The following IFT74 variants were observed in gnomAD, a reference collection of about 807,000 sequenced individuals.
IFT74 encodes the protein intraflagellar transport protein 74 homolog.
IFT74 carries 92 observed loss-of-function variants against 96.7 expected under a neutral mutation model. That is an observed-to-expected ratio of 0.95 (90% CI 0.80 to 1.13). The LOEUF is 1.13. Ranked by LOEUF, IFT74 falls within the 50% of genes most tolerant of loss-of-function variation. The pLI is 0.00. For synonymous variants in IFT74, 223 were observed against 213.2 expected, an observed-to-expected ratio of 1.05 and a Z score of -0.40; for missense variants, 811 against 698.2, an observed-to-expected ratio of 1.16 and a Z score of -1.82.
At chr9:27,028,239 C>T (rs907829375) in intron 12 of IFT74, among the ~76,000 whole-genome samples, 23 of 152,054 alleles carry the variant, frequency 1.5e-4, no homozygotes, top group African/African-American at 4.8e-4. Context: ...AAATATTAAC[C>T]TATATAATCT....
At chr9:27,029,456 C>A (rs967264001) in intron 13 of IFT74, among the ~76,000 whole-genome samples, 2 of 151,958 alleles carry the variant, frequency 1.3e-5, no homozygotes, top group African/African-American at 4.8e-5. Flanking sequence ...TTACTATAAA[C>A]AATATAGTCG....
chr9:27,015,153 C>T (rs554493378), intron 10 of IFT74, among the ~76,000 whole-genome samples: 37 of 152,136 alleles, frequency 2.4e-4, no homozygotes, highest in African/African-American at 8.0e-4. Flanking sequence ...AAAAAGGAGA[C>T]GATACTATGA....
intron 2 of IFT74, among the ~76,000 whole-genome samples, chr9:26,963,471 C>G (rs1826461129): frequency 6.7e-6 from 1 of 150,234 alleles, no homozygotes; most frequent in African/African-American, 2.5e-5. Flanking sequence ...TGGGTATATA[C>G]CCAGTAATGG....
Position 27,062,817 on chromosome 9 carries a change from AGCTTACTTTTGGAGTTTACCT to A in IFT74, c.*82_*102del. ...CAAGTTGACTACCAAAAAAAAAAAAAGCTTACTTTTGGAGTTTACCTAAAATTTCTGAATGTTATAATTTTT... is the reference window on the plus strand; with the variant it reads ...CAAGTTGACTACCAAAAAAAAAAAAAAAAATTTCTGAATGTTATAATTTTT... On this transcript the variant is annotated 3_prime_UTR_variant, in exon 20 of 20. Coordinates refer to ENST00000380062, the MANE Select transcript of IFT74 (RefSeq NM_025103.4). 1 of 759,926 alleles carries A rather than the reference AGCTTACTTTTGGAGTTTACCT, an allele frequency of 1.3e-6. No homozygotes were observed. Among genetic ancestry groups the A allele is most frequent in the Non-Finnish European group, 2.2e-6 (1 of 459,230 alleles). 47.1% of individuals were successfully genotyped at this position (759,926 alleles called of 1,614,324 possible).
At chr9:26,986,474 C>G (rs1452761033) in intron 6 of IFT74, among the ~76,000 whole-genome samples, 1 of 151,802 alleles carries the variant, frequency 6.6e-6, no homozygotes, top group East Asian at 1.9e-4. Context: ...TGCCATCACA[C>G]CAGGCTAATT....
intron 1 of IFT74, among the ~76,000 whole-genome samples, chr9:26,959,153 GGCTGGAGTGCA>G (rs1294062516): frequency 6.6e-6 from 1 of 152,144 alleles, no homozygotes; most frequent in Non-Finnish European, 1.5e-5. Flanking sequence ...CTGTCGCCCA[GGCTGGAGTGCA>G]GTGGCACGAT....
chr9:26,980,454 G>A (rs534311679), intron 3 of IFT74, 117 bp from the exon 4 acceptor site: 9 of 727,032 alleles, frequency 1.2e-5, no homozygotes, highest in African/African-American at 8.7e-5. Flanking sequence ...TTGATTCATT[G>A]GGGCATTCAT....
rs770965923 is a variant in IFT74, at chr9:27,047,370, G to C, written c.1205G>C (p.Arg402Pro). The change falls in exon 15 of 20, where the codon CGA (arginine) becomes CCA (proline). Residue 402 changes from arginine to proline, a missense_variant and splice_region_variant. By Grantham distance (103) the Arg-to-Pro change is moderately radical (BLOSUM62 -2). Coordinates refer to ENST00000380062, the MANE Select transcript of IFT74 (RefSeq NM_025103.4). The part of the protein sequence containing the change: ...NIVALLEHCS[R>P]NINRIEQISS... ...GTTGCACTCTTGGAGCACTGCAGTC[G>C]AGTGAGTACCATGTGCCTGTCTTGG... 4 of 1,590,402 alleles carry C rather than the reference G, an allele frequency of 2.5e-6. No individual in the cohort carries two copies. The highest frequency in any genetic ancestry group is 1.7e-5 in the Admixed American group (1 of 58,988).
chr9:27,005,540 A>G (rs1350355102), intron 8 of IFT74: 1 of 151,402 alleles, frequency 6.6e-6, no homozygotes, highest in Non-Finnish European at 1.5e-5. Flanking sequence ...AAACTTAAAT[A>G]TGATTAAAAA....
intron 15 of IFT74, 92 bp downstream of exon 15, chr9:27,047,463 G>C: frequency 1.5e-6 from 1 of 652,572 alleles, no homozygotes; most frequent in Non-Finnish European, 2.6e-6. Context: ...GCTCACTATT[G>C]TATCTTCTCA....
intron 13 of IFT74, among the ~76,000 whole-genome samples, chr9:27,030,547 C>A (rs1476940438): frequency 9.0e-3 from 1,042 of 115,292 alleles, no homozygotes; most frequent in Non-Finnish European, 0.01. Flanking sequence ...GACTCCGTCT[C>A]AAAAAAAAAA....
intron 13 of IFT74, chr9:27,036,451 T>C (rs1819191750): frequency 6.2e-7 from 1 of 1,613,622 alleles, no homozygotes; most frequent in Non-Finnish European, 8.5e-7. Context: ...CATCTGCAGA[T>C]CCTACCAACT....
chr9:27,008,664 A>C (rs527720260), intron 8 of IFT74, among the ~76,000 whole-genome samples: 1 of 152,166 alleles, frequency 6.6e-6, no homozygotes, highest in South Asian at 2.1e-4. Context: ...GCAGCCTCTT[A>C]TTTGTCTTTT....
chr9:27,008,653 C>T (rs1421818748), intron 8 of IFT74, among the ~76,000 whole-genome samples: 1 of 151,966 alleles, frequency 6.6e-6, no homozygotes, highest in East Asian at 1.9e-4. Flanking sequence ...AGCCACCGAG[C>T]GCAGCCTCTT....
intron 8 of IFT74, among the ~76,000 whole-genome samples, chr9:26,992,706 T>A (rs1010300063): frequency 4.0e-5 from 6 of 151,006 alleles, no homozygotes; most frequent in East Asian, 2.0e-4. Context: ...AAAAAAAAAA[T>A]AACAAAAAGT....
At chr9:26,979,785 T>C (rs952226133) in intron 3 of IFT74, among the ~76,000 whole-genome samples, 3 of 141,578 alleles carry the variant, frequency 2.1e-5, no homozygotes, top group South Asian at 2.5e-4. Flanking sequence ...TGATCTTGGC[T>C]CACTGCAACC....
intron 13 of IFT74, among the ~76,000 whole-genome samples, chr9:27,029,913 A>C (rs763843095): frequency 7.2e-5 from 11 of 152,186 alleles, no homozygotes; most frequent in Non-Finnish European, 1.0e-4. Context: ...AAGACTGATT[A>C]ACCTTATCCT....
rs570059641 is a variant in IFT74 at position 27,041,340 on chromosome 9, A to G, written c.1055-3402A>G. ...GTCAGAGCACTTATGTTGCATTATA[A>G]ATTTTTGGTTTTGTACACCTAATGG... is the stretch of plus-strand genomic sequence containing the variant. On this transcript the variant is annotated intron_variant, in intron 13 of 19. Coordinates refer to ENST00000380062, the MANE Select transcript of IFT74 (RefSeq NM_025103.4). 1.2e-4 allele frequency among the ~76,000 whole-genome samples: 18 copies of G among 152,236 alleles called. No homozygotes were observed. The South Asian group carries it at 3.3e-3, about 28-fold the overall frequency.
At chr9:26,986,004 C>T (rs1827615838) in intron 6 of IFT74, among the ~76,000 whole-genome samples, 1 of 152,150 alleles carries the variant, frequency 6.6e-6, no homozygotes, top group Non-Finnish European at 1.5e-5. Flanking sequence ...ACTGCTCAGT[C>T]CTTGGGTGAT....
Sources: allele counts gnomAD v4.1 joint callset (sites outside exome capture counted in the v4.1 genomes callset), GRCh38; gene constraint gnomAD v4.1.1; transcripts MANE v1.5; gene names NCBI Gene and HGNC (gene_info 2026-07-23, HGNC 2026-07-21).